GRM7: variants seen among roughly 807,000 people sequenced by gnomAD.
The protein encoded by GRM7 is metabotropic glutamate receptor 7.
A neutral mutation model predicts 84.5 loss-of-function variants in GRM7; 35 were observed. That is an observed-to-expected ratio of 0.41 (90% CI 0.32 to 0.55). The LOEUF (loss-of-function observed/expected upper bound fraction) is 0.55. Ranked by LOEUF, GRM7 falls within the 20% of genes least tolerant of loss-of-function variation. The pLI is 0.19. For synonymous variants in GRM7, 487 were observed against 455.1 expected (o/e 1.07, Z -0.89); for missense variants, 1,003 against 1,194.6 (o/e 0.84, Z 2.36).
intron 2 of GRM7, among the ~76,000 whole-genome samples, chr3:7,293,486 G>A (rs1467307786): frequency 6.6e-6 from 1 of 152,196 alleles, no homozygotes; most frequent in African/African-American, 2.4e-5. Context: ...GCTATGAATG[G>A]AGTTGTCCTA....
At chr3:7,218,244 TACTG>T (rs1344877068) in intron 2 of GRM7, among the ~76,000 whole-genome samples, 5 of 152,152 alleles carry the variant, frequency 3.3e-5, no homozygotes, top group Non-Finnish European at 5.9e-5. Flanking sequence ...TCTACTAACT[TACTG>T]ACTAAATGGT....
At chr3:6,910,374 A>G (rs1177056793) in intron 1 of GRM7, among the ~76,000 whole-genome samples, 1 of 152,148 alleles carries the variant, frequency 6.6e-6, no homozygotes, top group East Asian at 1.9e-4. Context: ...TTCTTAACAG[A>G]TCACCTTCAA....
At chr3:7,443,309 T>C (rs1350047499) in intron 5 of GRM7, among the ~76,000 whole-genome samples, 3 of 152,172 alleles carry the variant, frequency 2.0e-5, no homozygotes, top group African/African-American at 7.2e-5. Context: ...CACTTCAGCA[T>C]GCAACTTTAA....
rs60193216 is a variant in GRM7, at chr3:7,332,660, C to G, written c.1033+26008C>G. On this transcript the variant is annotated intron_variant, in intron 4 of 9. Transcript: ENST00000357716. ...CTCCCACTTAGATGAACAGAAATAG[C>G]GTGTGGAGACTCACATTGTGAACTT... is the stretch of plus-strand genomic sequence containing the variant. Among the ~76,000 whole-genome samples, 874 of 152,204 alleles carry G rather than the reference C, an allele frequency of 5.7e-3. 7 individuals are homozygous for G. The highest frequency in any genetic ancestry group is 0.02 in the African/African-American group (836 of 41,540).
chr3:7,461,643 T>A lies in GRM7; in HGVS notation c.1436T>A (p.Ile479Asn). Reference sequence around the variant, plus strand: ...GGGGATGCACCTGGGCGTTATGACATCTTTCAGTACCAGACCACAAACACC... The same window carrying A: ...GGGGATGCACCTGGGCGTTATGACAACTTTCAGTACCAGACCACAAACACC... ...KNGDAPGRYD[I>N]FQYQTTNTSN... The change falls in exon 7 of 10, where the codon ATC becomes AAC. Residue 479 changes from isoleucine (I) to asparagine (N), a missense_variant. By Grantham distance (149) the Ile-to-Asn change is moderately radical. Around this residue, in one of 2 missense-constraint regions of GRM7, gnomAD observed 910 missense variants for 1,126.0 expected, o/e 0.81. Coordinates refer to ENST00000357716, the MANE Select transcript of GRM7 (RefSeq NM_000844.4). 1 of 1,613,242 alleles carries A rather than the reference T, an allele frequency of 6.2e-7. No homozygotes were observed.
At chr3:7,095,874 G>C (rs1574895797) in intron 1 of GRM7, among the ~76,000 whole-genome samples, 1 of 152,050 alleles carries the variant, frequency 6.6e-6, no homozygotes, top group South Asian at 2.1e-4. Context: ...TGAATTACTA[G>C]TCAAAGAAGC....
intron 1 of GRM7, among the ~76,000 whole-genome samples, chr3:7,121,628 T>G (rs561316987): frequency 6.6e-6 from 1 of 152,272 alleles, no homozygotes; most frequent in South Asian, 2.1e-4. Flanking sequence ...AATTGAAAGA[T>G]TAACTCATTC....
chr3:6,943,591 T>C (rs989071948), intron 1 of GRM7, among the ~76,000 whole-genome samples: 1 of 152,084 alleles, frequency 6.6e-6, no homozygotes, highest in African/African-American at 2.4e-5. Context: ...TGTCAATTAG[T>C]GTAGCCTTAT....
At chr3:7,329,308 C>T (rs1337763677) in intron 4 of GRM7, among the ~76,000 whole-genome samples, 3 of 152,184 alleles carry the variant, frequency 2.0e-5, no homozygotes, top group Non-Finnish European at 4.4e-5. Context: ...CATCATTTAA[C>T]AAGCAGGGTC....
intron 1 of GRM7, among the ~76,000 whole-genome samples, chr3:6,929,823 C>T (rs540346108): frequency 1.3e-5 from 2 of 152,136 alleles, no homozygotes; most frequent in African/African-American, 4.8e-5. Context: ...CACACACTGT[C>T]CAGGTGCTGT....
rs538233395 is a variant in GRM7, at chr3:7,370,191, A to G, written c.1034-44832A>G. On this transcript the variant is annotated intron_variant, in intron 4 of 9. Transcript: ENST00000357716. ...GTATCTGAAGCCAAGACTTAAATAAATGATACTGAGAATTTTTTTTACTAC... is the reference window on the plus strand; with the variant it reads ...GTATCTGAAGCCAAGACTTAAATAAGTGATACTGAGAATTTTTTTTACTAC... Among the ~76,000 whole-genome samples, 15 of 152,320 alleles carry G rather than the reference A, an allele frequency of 9.8e-5. No individual in the cohort carries two copies. In the East Asian group the frequency reaches 1.4e-3, roughly 14 times the overall value.
At chr3:7,662,599 A>G (rs201194144) in intron 8 of GRM7, among the ~76,000 whole-genome samples, 4 of 152,212 alleles carry the variant, frequency 2.6e-5, no homozygotes, top group African/African-American at 7.2e-5. Context: ...AGGTGTGACA[A>G]TGATACTGTG....
intron 1 of GRM7, among the ~76,000 whole-genome samples, chr3:6,959,802 A>G (rs1693219866): frequency 6.6e-6 from 1 of 152,108 alleles, no homozygotes; most frequent in Admixed American, 6.5e-5. Flanking sequence ...ATTAATGCTC[A>G]TTGTCCGTAT....
chr3:6,884,082 C>A (rs1695606663), intron 1 of GRM7: 1 of 152,586 alleles, frequency 6.6e-6, no homozygotes, highest in African/African-American at 2.4e-5. Flanking sequence ...TGCAGTGTGC[C>A]ATCCATTGGT....
At chr3:7,455,210 A>G (rs961073173) in intron 6 of GRM7, among the ~76,000 whole-genome samples, 1 of 152,192 alleles carries the variant, frequency 6.6e-6, no homozygotes, top group African/African-American at 2.4e-5. Flanking sequence ...ATACAAGAGA[A>G]TAGGCAGCAT....
chr3:6,878,543 A>AAATAATAAT (rs58165323), intron 1 of GRM7, among the ~76,000 whole-genome samples: 43,287 of 150,160 alleles, frequency 0.29, 6,985 homozygotes, highest in South Asian at 0.46. Context: ...GATTAACATA[A>AAATAATAAT]AATAATAATA....
chr3:6,879,589 A>C (rs1328147604), intron 1 of GRM7, among the ~76,000 whole-genome samples: 1 of 152,180 alleles, frequency 6.6e-6, no homozygotes. Context: ...TAAAAATATT[A>C]CCATTTTTTA....
chr3:7,556,572 GT>G (rs374822806), intron 7 of GRM7, among the ~76,000 whole-genome samples: 6 of 152,242 alleles, frequency 3.9e-5, no homozygotes, highest in African/African-American at 1.2e-4. Context: ...TTAGTTGTCT[GT>G]TTGGTGCCAG....
chr3:6,865,760 TTTC>T (rs1254109000), intron 1 of GRM7, among the ~76,000 whole-genome samples: 1 of 152,214 alleles, frequency 6.6e-6, no homozygotes, highest in African/African-American at 2.4e-5. Flanking sequence ...TAGATTTTTT[TTTC>T]TTTTCTCTCT....
Sources: allele counts gnomAD v4.1 joint callset (sites outside exome capture counted in the v4.1 genomes callset), GRCh38; gene constraint gnomAD v4.1.1; regional missense constraint gnomAD v4.1.1; transcripts MANE v1.5; gene names NCBI Gene and HGNC (gene_info 2026-07-23, HGNC 2026-07-21).